The following NEGR1 variants were observed in gnomAD, a reference collection of about 807,000 sequenced individuals.
NEGR1 encodes IgLON family member 4.
In NEGR1, 10 loss-of-function variants were observed where a neutral mutation model predicts 40.9. That is an observed-to-expected ratio of 0.24 (90% CI 0.15 to 0.42). The LOEUF is 0.42. Among genes scored for constraint, NEGR1 ranks in the 10% least tolerant of loss-of-function variants. The pLI is 1.00. For missense variants in NEGR1, 352 were observed against 438.9 expected (o/e 0.80, Z 1.77); for synonymous variants, 185 against 166.8 (o/e 1.11, Z -0.84).
At chr1:71,441,365 G>A (rs1430115712) in intron 6 of NEGR1, among the ~76,000 whole-genome samples, 3 of 152,234 alleles carry the variant, frequency 2.0e-5, no homozygotes, top group East Asian at 3.9e-4. Flanking sequence ...CTCCCACTGG[G>A]GGCAGTATGT....
intron 1 of NEGR1, among the ~76,000 whole-genome samples, chr1:72,030,340 G>A (rs1382723400): frequency 6.6e-6 from 1 of 151,974 alleles, no homozygotes; most frequent in Non-Finnish European, 1.5e-5. Context: ...TGGAGTAGCT[G>A]GGATTACAGG....
At chr1:72,015,889 G>C (rs1247933637) in intron 1 of NEGR1, among the ~76,000 whole-genome samples, 1 of 151,892 alleles carries the variant, frequency 6.6e-6, no homozygotes, top group East Asian at 1.9e-4. Context: ...AAGTATATCA[G>C]AATAAAAACA....
chr1:71,638,253 C>T (rs1171061333), intron 4 of NEGR1, among the ~76,000 whole-genome samples: 2 of 152,074 alleles, frequency 1.3e-5, no homozygotes, highest in Admixed American at 1.3e-4. Context: ...AGACATCCTG[C>T]CCTCCAGTGT....
At chr1:71,636,865 A>G (rs560210601) in intron 4 of NEGR1, among the ~76,000 whole-genome samples, 1 of 152,198 alleles carries the variant, frequency 6.6e-6, no homozygotes, top group African/African-American at 2.4e-5. Flanking sequence ...ATCTTTTGCC[A>G]CATACCCAAG....
chr1:71,831,361 G>T (rs890251124), intron 2 of NEGR1, among the ~76,000 whole-genome samples: 1 of 151,872 alleles, frequency 6.6e-6, no homozygotes, highest in Non-Finnish European at 1.5e-5. Flanking sequence ...TGTTTGAGTG[G>T]ATAAAAGCTA....
chr1:72,060,716 T>A (rs1355221403), intron 1 of NEGR1, among the ~76,000 whole-genome samples: 1 of 151,640 alleles, frequency 6.6e-6, no homozygotes, highest in Non-Finnish European at 1.5e-5. Flanking sequence ...ACAATAAACA[T>A]TACTCAAGTT....
At position 71,696,312 on chromosome 1, in the gene NEGR1, T is replaced by A. The variant is rs1653472307; in HGVS notation, c.667+1696A>T. On this transcript the variant is annotated intron_variant, in intron 4 of 6. Transcript: ENST00000357731. ...AAGTCAGAAGAATAAAAAGTGTTAA[T>A]CCAAAAACAATTGTGGCTTGTATAT... is the stretch of plus-strand genomic sequence containing the variant. Among the ~76,000 whole-genome samples the A allele has an allele frequency of 3.3e-5, 5 of 151,864 alleles. 1 individual carries two copies. In the South Asian group the frequency reaches 1.0e-3, roughly 31 times the overall value.
intron 6 of NEGR1, among the ~76,000 whole-genome samples, chr1:71,543,274 A>C (rs373030206): frequency 1.8e-3 from 272 of 151,800 alleles, no homozygotes; most frequent in South Asian, 3.3e-3. Flanking sequence ...TCTGCTGGTA[A>C]CAGGAGGATT....
chr1:71,973,318 AAG>A, intron 1 of NEGR1, among the ~76,000 whole-genome samples: 1 of 134,508 alleles, frequency 7.4e-6, no homozygotes, highest in South Asian at 2.3e-4. Context: ...TCCAACTCAA[AAG>A]AAAAAAAAAA....
At chr1:71,512,584 A>ATT (rs555856096) in intron 6 of NEGR1, among the ~76,000 whole-genome samples, 243 of 141,808 alleles carry the variant, frequency 1.7e-3, no homozygotes, top group Middle Eastern at 3.6e-3. Flanking sequence ...ATACTAATCG[A>ATT]TTTTTTTTTT....
chr1:72,274,857 C>T (rs1655983438), intron 1 of NEGR1: 18 of 1,586,960 alleles, frequency 1.1e-5, no homozygotes, highest in Non-Finnish European at 1.5e-5. Flanking sequence ...CCATCAAGAA[C>T]ACCAATGATG....
At chr1:71,747,622 A>G (rs1208264939) in intron 3 of NEGR1, among the ~76,000 whole-genome samples, 3 of 152,012 alleles carry the variant, frequency 2.0e-5, no homozygotes, top group African/African-American at 4.8e-5. Context: ...ATGGGGTTTC[A>G]CCATGTTGGC....
chr1:71,546,519 G>C (rs2101463652), intron 6 of NEGR1, among the ~76,000 whole-genome samples: 1 of 151,818 alleles, frequency 6.6e-6, no homozygotes, highest in South Asian at 2.1e-4. Flanking sequence ...GATGATAGTA[G>C]TATGTATGCA....
chr1:71,714,699 G>A (rs899078810), intron 3 of NEGR1, among the ~76,000 whole-genome samples: 7 of 152,200 alleles, frequency 4.6e-5, no homozygotes, highest in African/African-American at 1.7e-4. Flanking sequence ...TTGACTCCAT[G>A]TCTCTCATCC....
At chr1:72,033,946 A>G (rs1646881173) in intron 1 of NEGR1, among the ~76,000 whole-genome samples, 1 of 152,170 alleles carries the variant, frequency 6.6e-6, no homozygotes, top group African/African-American at 2.4e-5. Context: ...TTGGCCTGCC[A>G]TGGGTTATTG....
intron 6 of NEGR1, among the ~76,000 whole-genome samples, chr1:71,536,322 G>A (rs1470265016): frequency 2.6e-5 from 4 of 151,756 alleles, no homozygotes; most frequent in Admixed American, 6.6e-5. Flanking sequence ...TGGATCCCTC[G>A]TGGATGGCTT....
chr1:72,280,903 A>T (rs760220540), intron 1 of NEGR1, among the ~76,000 whole-genome samples: 1 of 152,176 alleles, frequency 6.6e-6, no homozygotes, highest in Non-Finnish European at 1.5e-5. Context: ...GTGGAGAAAA[A>T]GAAGATCTTT....
intron 1 of NEGR1, 117 bp downstream of exon 1, chr1:72,282,202 T>G (rs573489769): frequency 8.2e-7 from 1 of 1,221,884 alleles, no homozygotes; most frequent in South Asian, 1.6e-5. Context: ...GGATGTGGTC[T>G]TTCCATGATG....
At chr1:72,022,006 G>C (rs1298991145) in intron 1 of NEGR1, among the ~76,000 whole-genome samples, 1 of 151,768 alleles carries the variant, frequency 6.6e-6, no homozygotes, top group African/African-American at 2.4e-5. Flanking sequence ...GTGGTGGCAG[G>C]CGCCTGTAGT....
Sources: gnomAD v4.1 joint callset for allele counts (sites outside exome capture counted in the v4.1 genomes callset) on GRCh38, gnomAD v4.1.1 for gene constraint, MANE v1.5 for transcripts, NCBI Gene and HGNC (gene_info 2026-07-23, HGNC 2026-07-21) for gene names.